NXPH1: variants seen among roughly 807,000 people sequenced by gnomAD.
NXPH1 encodes neurexophilin 1.
In NXPH1, 5 loss-of-function variants were observed where a neutral mutation model predicts 23.7. That is an observed-to-expected ratio of 0.21 (90% confidence interval 0.11 to 0.44). NXPH1 has a LOEUF of 0.44. Among genes scored for constraint, NXPH1 ranks in the 20% least tolerant of loss-of-function variants. The probability of loss-of-function intolerance (pLI) is 0.99; values close to 1 mark genes in which losing one functional copy is unlikely to be tolerated. For missense variants in NXPH1, 324 were observed against 321.6 expected, an observed-to-expected ratio of 1.01 and a Z score of -0.06; for synonymous variants, 144 against 122.2, an observed-to-expected ratio of 1.18 and a Z score of -1.18.
Position 8,527,971 on chromosome 7 carries a change from G to A in NXPH1, c.54+92204G>A, listed in dbSNP as rs143423257. Among the ~76,000 whole-genome samples, 251 of 152,268 alleles carry A rather than the reference G, an allele frequency of 1.6e-3. 1 individual carries two copies. The highest frequency in any genetic ancestry group is 5.4e-3 in the African/African-American group (225 of 41,558). On this transcript the variant is annotated intron_variant, in intron 2 of 2. Coordinates refer to ENST00000405863, the MANE Select transcript of NXPH1 (RefSeq NM_152745.3). ...TCATTTGGTAGAAAAGAGTTTCCTC[G>A]GGAAGAATCTTCTCTCTGTAGACTA...
chr7:8,670,515 T>G (rs1241603686), intron 2 of NXPH1, among the ~76,000 whole-genome samples: 1 of 152,198 alleles, frequency 6.6e-6, no homozygotes, highest in Non-Finnish European at 1.5e-5. Flanking sequence ...TCATGTAAAC[T>G]CGTGCATCTT....
rs993094737 is a variant in NXPH1, at chr7:8,552,136, A to C, written c.54+116369A>C. 7.1e-4 allele frequency among the ~76,000 whole-genome samples: 107 copies of C among 150,496 alleles called. 2 individuals are homozygous for C. The highest frequency in any genetic ancestry group is 7.4e-4 in the Non-Finnish European group (50 of 67,322). On this transcript the variant is annotated intron_variant, in intron 2 of 2. Transcript: ENST00000405863. ...AACCAAAAAAAAAAAAAAAAAAAAAAAAAAAACCACCAAAACCACACAAAC... is the reference window on the plus strand; with the variant it reads ...AACCAAAAAAAAAAAAAAAAAAAAACAAAAAACCACCAAAACCACACAAAC...
intron 2 of NXPH1, among the ~76,000 whole-genome samples, chr7:8,514,810 A>G (rs1412527085): frequency 6.6e-6 from 1 of 151,712 alleles, no homozygotes; most frequent in African/African-American, 2.4e-5. Flanking sequence ...CTGCCCCTCC[A>G]CTCACCTCCC....
At chr7:8,717,256 G>GA (rs527569453) in intron 2 of NXPH1, among the ~76,000 whole-genome samples, 244 of 151,738 alleles carry the variant, frequency 1.6e-3, no homozygotes, top group Admixed American at 2.6e-3. Context: ...CTGATTTTAA[G>GA]AAAAAAAATG....
chr7:8,662,039 T>C (rs1422814425), intron 2 of NXPH1, among the ~76,000 whole-genome samples: 3 of 152,104 alleles, frequency 2.0e-5, no homozygotes, highest in African/African-American at 7.2e-5. Context: ...TAAGTTAAAA[T>C]ATAAAGACTT....
chr7:8,639,741 A>G (rs774281029), intron 2 of NXPH1, among the ~76,000 whole-genome samples: 11 of 152,216 alleles, frequency 7.2e-5, no homozygotes, highest in South Asian at 4.1e-4. Flanking sequence ...TGCTGTTCTC[A>G]TGATTGTGAA....
At chr7:8,599,401 T>G (rs960820998) in intron 2 of NXPH1, among the ~76,000 whole-genome samples, 1 of 152,164 alleles carries the variant, frequency 6.6e-6, no homozygotes, top group East Asian at 1.9e-4. Context: ...GTGTTACTCC[T>G]CTGGGCTCAT....
At chr7:8,474,642 C>T (rs572671005) in intron 2 of NXPH1, among the ~76,000 whole-genome samples, 14 of 152,256 alleles carry the variant, frequency 9.2e-5, no homozygotes, top group Admixed American at 5.2e-4. Flanking sequence ...GTGAGGATCC[C>T]TATATCATAT....
rs149993593 is a variant in NXPH1, at chr7:8,517,166, A to C, written c.54+81399A>C. Among the ~76,000 whole-genome samples the C allele has an allele frequency of 3.4e-3, 519 of 152,294 alleles. 3 individuals carry two copies. Among genetic ancestry groups the C allele is most frequent in the African/African-American group, 0.012 (484 of 41,568 alleles). On this transcript the variant is annotated intron_variant, in intron 2 of 2. Transcript: ENST00000405863. Reference sequence around the variant, plus strand: ...GAGCTAGCAAACTAGTGTGCATAGTAGTGACTCAGCAGTGAGCAACAGTGG... The same window carrying C: ...GAGCTAGCAAACTAGTGTGCATAGTCGTGACTCAGCAGTGAGCAACAGTGG...
chr7:8,491,854 G>A (rs1421355392), intron 2 of NXPH1, among the ~76,000 whole-genome samples: 4 of 152,052 alleles, frequency 2.6e-5, no homozygotes, highest in Admixed American at 2.0e-4. Flanking sequence ...TCAGCTGACT[G>A]ACTTCTTCAT....
chr7:8,515,651 T>C (rs777446153), intron 2 of NXPH1, among the ~76,000 whole-genome samples: 1 of 152,140 alleles, frequency 6.6e-6, no homozygotes. Context: ...CTTTTTACCA[T>C]GGTGTTCTAA....
chr7:8,662,672 C>T (rs1376769245), intron 2 of NXPH1, among the ~76,000 whole-genome samples: 1 of 151,876 alleles, frequency 6.6e-6, no homozygotes, highest in Non-Finnish European at 1.5e-5. Context: ...TGACGAAAGT[C>T]AGATAGCAAG....
chr7:8,498,978 G>C (rs905940700), intron 2 of NXPH1, among the ~76,000 whole-genome samples: 2 of 152,028 alleles, frequency 1.3e-5, no homozygotes, highest in African/African-American at 2.4e-5. Flanking sequence ...ATAAAGTTTG[G>C]TATTTGACAT....
At chr7:8,743,473 C>T (rs886586434) in intron 2 of NXPH1, among the ~76,000 whole-genome samples, 2 of 152,008 alleles carry the variant, frequency 1.3e-5, no homozygotes, top group Middle Eastern at 6.8e-3. Flanking sequence ...TCACGTACAG[C>T]CAGAATAGTT....
At chr7:8,456,744 G>C (rs1015973531) in intron 2 of NXPH1, among the ~76,000 whole-genome samples, 23 of 152,280 alleles carry the variant, frequency 1.5e-4, no homozygotes, top group African/African-American at 5.3e-4. Flanking sequence ...AATAACTGCA[G>C]TAAGAAACAC....
chr7:8,536,110 A>C (rs1818021234), intron 2 of NXPH1, among the ~76,000 whole-genome samples: 1 of 152,058 alleles, frequency 6.6e-6, no homozygotes, highest in Admixed American at 6.6e-5. Flanking sequence ...CGGTCTTCCC[A>C]CTTGATTGAG....
chr7:8,742,951 G>C (rs1398951428), intron 2 of NXPH1, among the ~76,000 whole-genome samples: 1 of 151,894 alleles, frequency 6.6e-6, no homozygotes, highest in African/African-American at 2.4e-5. Context: ...CTCAAAGTTA[G>C]TGAGTGTGTG....
chr7:8,712,899 C>T (rs1346101918), intron 2 of NXPH1, among the ~76,000 whole-genome samples: 2 of 152,054 alleles, frequency 1.3e-5, no homozygotes, highest in Non-Finnish European at 2.9e-5. Context: ...TTGAGGTAGT[C>T]TTCTTTGGGT....
intron 2 of NXPH1, among the ~76,000 whole-genome samples, chr7:8,659,667 C>T (rs1820640285): frequency 6.6e-6 from 1 of 152,126 alleles, no homozygotes; most frequent in African/African-American, 2.4e-5. Context: ...ACCAACATGG[C>T]ACATGTGTAC....
Sources: allele counts gnomAD v4.1 joint callset (sites outside exome capture counted in the v4.1 genomes callset), GRCh38; gene constraint gnomAD v4.1.1; transcripts MANE v1.5; gene names NCBI Gene and HGNC (gene_info 2026-07-23, HGNC 2026-07-21).